The following TENT4B variants were observed in gnomAD, a reference collection of about 807,000 sequenced individuals.
The protein encoded by TENT4B is PAP associated domain containing 5.
Under a neutral mutation model 75.0 loss-of-function variants are expected in TENT4B, and 10 were observed. That is an observed-to-expected ratio of 0.13 (90% CI 0.08 to 0.23). The LOEUF (loss-of-function observed/expected upper bound fraction) is 0.23, where lower values mean the gene tolerates loss of function less well. TENT4B is among the 10% of genes least tolerant of loss of function. The pLI is 1.00. For synonymous variants in TENT4B, 350 were observed against 357.7 expected, an observed-to-expected ratio of 0.98 and a Z score of 0.24; for missense variants, 579 against 893.8, an observed-to-expected ratio of 0.65 and a Z score of 4.49.
At chr16:50,174,034 A>G (rs1285186402) in intron 1 of TENT4B, among the ~76,000 whole-genome samples, 9 of 151,646 alleles carry the variant, frequency 5.9e-5, no homozygotes, top group Admixed American at 5.9e-4. Context: ...TATTTGGCAA[A>G]GTATCTGTTC....
At chr16:50,213,648 C>T (rs934792466) in intron 2 of TENT4B, among the ~76,000 whole-genome samples, 24 of 152,170 alleles carry the variant, frequency 1.6e-4, no homozygotes, top group African/African-American at 5.8e-4. Context: ...TGAAAGTTTC[C>T]TGTGGTTGGC....
intron 1 of TENT4B, among the ~76,000 whole-genome samples, chr16:50,205,557 T>C (rs1204961454): frequency 1.8e-5 from 2 of 110,046 alleles, no homozygotes; most frequent in African/African-American, 3.4e-5. Flanking sequence ...TGTTTACATG[T>C]CTTTTTTTTT....
intron 6 of TENT4B, 98 bp from the exon 7 acceptor site, chr16:50,223,076 A>G: frequency 7.6e-6 from 8 of 1,052,006 alleles, no homozygotes; most frequent in South Asian, 3.3e-5. Flanking sequence ...AACCAAAATT[A>G]TAATAATATT....
chr16:50,208,852 C>T (rs1253799870), intron 1 of TENT4B, among the ~76,000 whole-genome samples: 2 of 152,084 alleles, frequency 1.3e-5, no homozygotes, highest in African/African-American at 4.8e-5. Context: ...TGTGCCTCAT[C>T]CTCCCGAGGA....
intron 1 of TENT4B, among the ~76,000 whole-genome samples, chr16:50,159,238 C>T (rs564617923): frequency 7.3e-6 from 1 of 136,300 alleles, no homozygotes; most frequent in South Asian, 2.5e-4. Flanking sequence ...CCCTCTCTCT[C>T]TCTTTCTGTT....
intron 1 of TENT4B, among the ~76,000 whole-genome samples, chr16:50,200,679 G>A (rs952846451): frequency 6.6e-6 from 1 of 151,846 alleles, no homozygotes; most frequent in Non-Finnish European, 1.5e-5. Flanking sequence ...TCTTTAGTGA[G>A]GCCTTTGTTT....
intron 1 of TENT4B, among the ~76,000 whole-genome samples, chr16:50,186,328 T>C (rs1054560414): frequency 9.9e-5 from 15 of 152,150 alleles, no homozygotes; most frequent in African/African-American, 3.6e-4. Flanking sequence ...TTTTTTTTCT[T>C]CTTGTGATGC....
At chr16:50,200,657 A>C (rs1478944036) in intron 1 of TENT4B, among the ~76,000 whole-genome samples, 1 of 152,068 alleles carries the variant, frequency 6.6e-6, no homozygotes, top group Non-Finnish European at 1.5e-5. Context: ...TTTACTTCTC[A>C]TCTATGTATC....
rs1197709383 is a variant in TENT4B, at chr16:50,230,054, T to G, written c.*726T>G. 1 of 985,098 alleles carries G rather than the reference T, an allele frequency of 1.0e-6. No homozygotes were observed. The highest frequency in any genetic ancestry group is 1.2e-6 in the Non-Finnish European group (1 of 829,824). 61.0% of individuals were successfully genotyped at this position (985,098 alleles called of 1,614,324 possible). A position where few individuals can be genotyped will look rare whatever the true frequency, so the allele number is the denominator to read the frequency against. Reference sequence around the variant, plus strand: ...ATGACTTAATAGAACCCTTGTGTCCTGCTGCAAAAATTTTTCCTCTCTAAA... The same window carrying G: ...ATGACTTAATAGAACCCTTGTGTCCGGCTGCAAAAATTTTTCCTCTCTAAA... On this transcript the variant is annotated 3_prime_UTR_variant, in exon 12 of 12. Transcript: ENST00000561678.
intron 1 of TENT4B, among the ~76,000 whole-genome samples, chr16:50,184,368 T>C (rs891991009): frequency 6.6e-6 from 1 of 152,094 alleles, no homozygotes; most frequent in East Asian, 1.9e-4. Flanking sequence ...TTCCATTGAC[T>C]ATTAAGAGTA....
Position 50,218,160 on chromosome 16 carries a change from A to G in TENT4B, c.1038+497A>G, listed in dbSNP as rs2031660121. Among the ~76,000 whole-genome samples, 2 of 152,260 alleles carry G rather than the reference A, an allele frequency of 1.3e-5. 1 individual carries two copies. Among genetic ancestry groups the G allele is most frequent in the Non-Finnish European group, 2.9e-5 (2 of 68,012 alleles). On this transcript the variant is annotated intron_variant, in intron 5 of 11. Transcript: ENST00000561678. ...CCTCAAGTAAGAATTAAAAGTTGAG[A>G]AAGCTTTTGAAGAAATTGTCTGCTC...
rs766033483 is a variant in TENT4B, at chr16:50,211,428, G to T, written c.744G>T (p.Glu248Asp). Reference protein sequence around the residue: ...VVNRIESVIKELWPSADVQIF... With the variant: ...VVNRIESVIKDLWPSADVQIF... The stretch of plus-strand genomic sequence containing the variant: ...ACAGGATCGAGAGTGTAATTAAGGA[G>T]CTCTGGCCCAGCGCTGACGTGAGTC... The change falls in exon 2 of 12, where the codon GAG becomes GAT. Residue 248 changes from glutamate (E) to aspartate (D), a missense_variant. Glu to Asp is a conservative substitution (Grantham distance 45). Transcript: ENST00000561678. 1 of 1,599,732 alleles carries T rather than the reference G, an allele frequency of 6.3e-7. No homozygotes were observed. The highest frequency in any genetic ancestry group is 2.3e-5 in the East Asian group (1 of 44,434).
chr16:50,164,085 C>T (rs971399392), intron 1 of TENT4B, among the ~76,000 whole-genome samples: 21 of 151,710 alleles, frequency 1.4e-4, no homozygotes, highest in East Asian at 5.9e-4. Context: ...TGAACCCGGC[C>T]GGTGGAGGTT....
chr16:50,231,240 A>G lies in TENT4B; in HGVS notation c.*1912A>G. The G allele has an allele frequency of 1.0e-6, 1 of 985,388 alleles. No homozygotes were observed. Among genetic ancestry groups the G allele is most frequent in the Non-Finnish European group, 1.2e-6 (1 of 829,502 alleles). The allele number at this position is 985,388 out of a possible 1,614,324, so 61.0% of individuals were successfully genotyped here. On this transcript the variant is annotated 3_prime_UTR_variant, in exon 12 of 12. Coordinates refer to ENST00000561678, the MANE Select transcript of TENT4B (RefSeq NM_001365324.3). Reference sequence around the variant, plus strand: ...ACATTTTATTCTGATCAGAATTTTTATTGAGATGTTGAGCTTTTGTTTTTG... The same window carrying G: ...ACATTTTATTCTGATCAGAATTTTTGTTGAGATGTTGAGCTTTTGTTTTTG...
chr16:50,213,090 C>T (rs1053707194), intron 2 of TENT4B, among the ~76,000 whole-genome samples: 19 of 151,924 alleles, frequency 1.3e-4, no homozygotes, highest in African/African-American at 4.1e-4. Context: ...GATGGAGTCT[C>T]GCTCTGTCGC....
At chr16:50,154,539 C>G (rs528935755) in intron 1 of TENT4B, among the ~76,000 whole-genome samples, 3 of 151,798 alleles carry the variant, frequency 2.0e-5, no homozygotes, top group Admixed American at 1.3e-4. Context: ...CCAGGCCCCC[C>G]CCTTTATCCA....
chr16:50,161,830 T>C (rs1020116339), intron 1 of TENT4B, among the ~76,000 whole-genome samples: 2 of 152,174 alleles, frequency 1.3e-5, no homozygotes, highest in African/African-American at 4.8e-5. Context: ...CAGTTTCACA[T>C]GTATTTGTGT....
intron 1 of TENT4B, among the ~76,000 whole-genome samples, chr16:50,198,477 C>T (rs2030425055): frequency 6.7e-6 from 1 of 150,244 alleles, no homozygotes; most frequent in Non-Finnish European, 1.5e-5. Context: ...ATTTCACTTA[C>T]TAGAGCATCA....
At chr16:50,212,900 T>G (rs1350839687) in intron 2 of TENT4B, among the ~76,000 whole-genome samples, 2 of 152,164 alleles carry the variant, frequency 1.3e-5, no homozygotes, top group Non-Finnish European at 2.9e-5. Flanking sequence ...GTGATCTAAC[T>G]TAACCCTTAT....
Sources: gnomAD v4.1 joint callset for allele counts (sites outside exome capture counted in the v4.1 genomes callset) on GRCh38, gnomAD v4.1.1 for gene constraint, MANE v1.5 for transcripts, NCBI Gene and HGNC (gene_info 2026-07-23, HGNC 2026-07-21) for gene names.